Variants in TAF15 observed in about 807,000 individuals in gnomAD.
The protein encoded by TAF15 is TATA-box binding protein associated factor 15.
A neutral mutation model predicts 102.5 loss-of-function variants in TAF15; 37 were observed. The observed-to-expected ratio is 0.36, with a 90% CI of 0.28 to 0.47. The LOEUF is 0.47. Ranked by LOEUF, TAF15 falls within the 20% of genes least tolerant of loss-of-function variation. The pLI is 0.99. For missense variants in TAF15, 652 were observed against 760.7 expected (o/e 0.86, Z 1.68); for synonymous variants, 273 against 259.2 (o/e 1.05, Z -0.51).
chr17:35,831,805 G>A (rs117136233), intron 7 of TAF15, among the ~76,000 whole-genome samples: 3,254 of 152,212 alleles, frequency 0.021, 68 homozygotes, highest in East Asian at 0.12. Flanking sequence ...CTGAGAGGCC[G>A]GGCGTGGTGG....
chr17:35,839,730 A>G (rs548502697), intron 11 of TAF15, among the ~76,000 whole-genome samples: 1 of 152,232 alleles, frequency 6.6e-6, no homozygotes, highest in African/African-American at 2.4e-5. Context: ...AAACATCTCT[A>G]TAGCCCTCTA....
At chr17:35,831,818 C>A (rs553357271) in intron 7 of TAF15, among the ~76,000 whole-genome samples, 8 of 152,256 alleles carry the variant, frequency 5.3e-5, no homozygotes, top group Non-Finnish European at 1.2e-4. Context: ...CGTGGTGGCT[C>A]ACACCTGTAA....
At chr17:35,840,604 G>A (rs1169823657) in intron 11 of TAF15, among the ~76,000 whole-genome samples, 1 of 151,552 alleles carries the variant, frequency 6.6e-6, no homozygotes, top group Non-Finnish European at 1.5e-5. Context: ...GGTGGCTCAT[G>A]CCTGTAATCC....
rs1180557721 is a variant in TAF15 at position 35,821,495 on chromosome 17, G to C, written c.290+1058G>C. 2.0e-5 allele frequency among the ~76,000 whole-genome samples: 3 copies of C among 152,104 alleles called. No individual in the cohort carries two copies. In the East Asian group the frequency reaches 5.8e-4, roughly 29 times the overall value. On this transcript the variant is annotated intron_variant, in intron 5 of 15. Coordinates refer to ENST00000605844, the MANE Select transcript of TAF15 (RefSeq NM_139215.3). ...TGGACTGTGGTTGTGTTGTGCTTTC[G>C]ACAGGGAGTTAGGGAACATACTGAT...
intron 11 of TAF15, among the ~76,000 whole-genome samples, chr17:35,839,295 C>T (rs72829959): frequency 3.0e-3 from 438 of 146,594 alleles, no homozygotes; most frequent in Non-Finnish European, 5.3e-3. Flanking sequence ...AAAAAAAACC[C>T]TATAAATAAA....
At chr17:35,826,282 A>G (rs763851870) in intron 7 of TAF15, among the ~76,000 whole-genome samples, 8 of 152,126 alleles carry the variant, frequency 5.3e-5, no homozygotes, top group South Asian at 2.1e-4. Context: ...GGGATCTGCA[A>G]TCTTGCCTTA....
intron 7 of TAF15, among the ~76,000 whole-genome samples, chr17:35,826,504 A>C: frequency 6.7e-6 from 1 of 148,194 alleles, no homozygotes; most frequent in East Asian, 1.9e-4. Flanking sequence ...GAATAAACAG[A>C]GTTGTGTTCC....
chr17:35,819,769 T>G (rs2087238018), intron 2 of TAF15, among the ~76,000 whole-genome samples: 1 of 152,232 alleles, frequency 6.6e-6, no homozygotes, highest in African/African-American at 2.4e-5. Context: ...CAAGTTTTGT[T>G]TATTTCTGCA....
Position 35,844,305 on chromosome 17 carries a change from C to G in TAF15, c.1114C>G (p.Arg372Gly), listed in dbSNP as rs1323607123. The G allele has an allele frequency of 1.9e-6, 3 of 1,614,010 alleles. No individual in the cohort carries two copies. Among genetic ancestry groups the G allele is most frequent in the Non-Finnish European group, 1.7e-6 (2 of 1,180,038 alleles). The change falls in exon 14 of 16, where the codon CGA (arginine) becomes GGA (glycine). Residue 372 changes from arginine to glycine, a missense_variant. Physicochemically the swap from Arg to Gly is moderately radical, Grantham distance 125. Coordinates refer to ENST00000605844, the MANE Select transcript of TAF15 (RefSeq NM_139215.3). The part of the protein sequence containing the change: ...NPSCGNMNFA[R>G]RNSCNQCNEP... Reference sequence around the variant, plus strand: ...GTCATGCGGAAATATGAACTTTGCTCGAAGGAATTCCTGCAATCAGTGCAA... The same window carrying G: ...GTCATGCGGAAATATGAACTTTGCTGGAAGGAATTCCTGCAATCAGTGCAA...
intron 6 of TAF15, 130 bp from the exon 7 acceptor site, chr17:35,823,948 G>T: frequency 9.1e-7 from 1 of 1,103,544 alleles, no homozygotes; most frequent in Non-Finnish European, 1.4e-6. Flanking sequence ...ATGATGACTT[G>T]CATTTGAGTT....
In TAF15 at chr17:35,822,671, C is replaced by G. The variant is rs754279768; in HGVS notation, c.322C>G (p.Pro108Ala). 5.0e-6 allele frequency: 8 copies of G among 1,614,024 alleles called. No homozygotes were observed. The South Asian group carries it at 8.8e-5, about 18-fold the overall frequency. The change falls in exon 6 of 16, where the codon CCA becomes GCA. Residue 108 changes from proline (P) to alanine (A), a missense_variant. Pro to Ala is a conservative substitution (Grantham distance 27, BLOSUM62 -1). Transcript: ENST00000605844. Reference protein sequence around the residue: ...QGGRAPSYDQPDYGQQDSYDQ... With the variant: ...QGGRAPSYDQADYGQQDSYDQ... Reference sequence around the variant, plus strand: ...TGGAAGAGCACCTTCCTATGACCAGCCAGACTATGGTCAACAAGATTCATA... The same window carrying G: ...TGGAAGAGCACCTTCCTATGACCAGGCAGACTATGGTCAACAAGATTCATA...
chr17:35,843,439 T>A (rs1471265558), intron 12 of TAF15, among the ~76,000 whole-genome samples: 3 of 152,194 alleles, frequency 2.0e-5, no homozygotes, highest in Admixed American at 2.0e-4. Context: ...TCTTTATTTC[T>A]ATTGGATTCA....
At position 35,844,520 on chromosome 17, in the gene TAF15, T is replaced by C. The variant is rs1804624; in HGVS notation, c.1221T>C (p.Gly407=). ...RGYGGERGYR[G]RGGRGGDRGG... ...ACGGTGGAGAGAGGGGCTACAGAGG[T>C]CGTGGGGGCAGAGGTGGAGACCGAG... Residue 407 remains glycine, a synonymous_variant, in exon 15 of 16, where the codon GGT becomes GGC. Transcript: ENST00000605844. 3 of 1,609,004 alleles carry C rather than the reference T, an allele frequency of 1.9e-6. No individual in the cohort carries two copies. The highest frequency in any genetic ancestry group is 1.3e-5 in the African/African-American group (1 of 74,080).
chr17:35,809,489 A>C lies in TAF15; in HGVS notation c.-81A>C. ...CAGCCCGCCGCGCCGCCCTCAGTAC[A>C]GCTCCGGCCGCCGCGCCGCCTGGCT... is the stretch of plus-strand genomic sequence containing the variant. On this transcript the variant is annotated 5_prime_UTR_variant, in exon 1 of 16. Coordinates refer to ENST00000605844, the MANE Select transcript of TAF15 (RefSeq NM_139215.3). The C allele has an allele frequency of 4.4e-6, 7 of 1,595,990 alleles. No individual in the cohort carries two copies. The highest frequency in any genetic ancestry group is 2.2e-5 in the East Asian group (1 of 44,672).
At chr17:35,809,619 C>T (rs772265460) in intron 1 of TAF15, 43 bp downstream of exon 1, 3 of 1,612,706 alleles carry the variant, frequency 1.9e-6, no homozygotes, top group Non-Finnish European at 2.5e-6. Flanking sequence ...ACGAGAAGGT[C>T]CTGGCGGGGT....
At chr17:35,837,634 T>G (rs1017273816) in intron 10 of TAF15, among the ~76,000 whole-genome samples, 1 of 151,426 alleles carries the variant, frequency 6.6e-6, no homozygotes, top group African/African-American at 2.4e-5. Context: ...AAGACCATCC[T>G]GGCTAACACG....
chr17:35,820,896 A>G (rs2087250478), intron 5 of TAF15, among the ~76,000 whole-genome samples: 1 of 152,196 alleles, frequency 6.6e-6, no homozygotes, highest in South Asian at 2.1e-4. Context: ...GTGAATATTT[A>G]CTGATAAATT....
At chr17:35,845,734 G>A (rs775923143) in intron 15 of TAF15, among the ~76,000 whole-genome samples, 43 of 152,104 alleles carry the variant, frequency 2.8e-4, no homozygotes, top group Non-Finnish European at 5.3e-4. Context: ...TGATCCACCC[G>A]CCTCGGCCTC....
chr17:35,822,166 AC>A (rs2087268081), intron 5 of TAF15, among the ~76,000 whole-genome samples: 1 of 151,690 alleles, frequency 6.6e-6, no homozygotes, highest in Non-Finnish European at 1.5e-5. Flanking sequence ...ACATGGAGAA[AC>A]CCCGTCTCTA....
Sources: allele counts gnomAD v4.1 joint callset (sites outside exome capture counted in the v4.1 genomes callset), GRCh38; gene constraint gnomAD v4.1.1; transcripts MANE v1.5; gene names NCBI Gene and HGNC (gene_info 2026-07-23, HGNC 2026-07-21).